ASAH2: variants seen among roughly 807,000 people sequenced by gnomAD.
ASAH2 encodes the protein N-acylsphingosine amidohydrolase 2.
A neutral mutation model predicts 82.9 loss-of-function variants in ASAH2; 58 were observed. The observed-to-expected ratio is 0.70, with a 90% CI of 0.57 to 0.87. ASAH2 has a LOEUF of 0.87. ASAH2 is among the 40% of genes least tolerant of loss of function. The pLI, the probability that ASAH2 is intolerant of heterozygous loss-of-function variation, is 0.00. For missense variants in ASAH2, 779 were observed against 834.0 expected, an observed-to-expected ratio of 0.93 and a Z score of 0.81; for synonymous variants, 276 against 289.7, an observed-to-expected ratio of 0.95 and a Z score of 0.48.
intron 14 of ASAH2, 23 bp downstream of exon 14, chr10:50,204,838 A>C (rs1282553157): frequency 6.6e-7 from 1 of 1,517,914 alleles, no homozygotes; most frequent in African/African-American, 1.4e-5. Context: ...ATTTTTAACT[A>C]AGTAATAAAA....
Position 50,218,595 on chromosome 10 carries a change from C to A in ASAH2, c.929G>T (p.Ser310Ile). 1 of 1,613,778 alleles carries A rather than the reference C, an allele frequency of 6.2e-7. No homozygotes were observed. Among genetic ancestry groups the A allele is most frequent in the Non-Finnish European group, 8.5e-7 (1 of 1,179,758 alleles). The part of the protein sequence containing the change: ...FAIHPVSMNN[S>I]NHLVNSDNVG... ...ATTGTCACTGTTTACAAGATGGTTA[C>A]TGTTGTTCATGCTGACCGGGTGGAT... is the stretch of plus-strand genomic sequence containing the variant. The change falls in exon 8 of 21, where the codon AGT becomes ATT. Residue 310 changes from serine (S) to isoleucine (I), a missense_variant. Ser to Ile is a moderately radical substitution (Grantham distance 142). This residue lies in a region of ASAH2 where 759 missense variants were observed against 755.2 expected (regional missense o/e 1.00). Transcript: ENST00000682911.
Position 50,211,145 on chromosome 10 carries a change from C to A in ASAH2, c.1228-11G>T. On this transcript the variant is annotated splice_polypyrimidine_tract_variant and intron_variant, in intron 10 of 20. Coordinates refer to ENST00000682911, the MANE Select transcript of ASAH2 (RefSeq NM_019893.4). Reference sequence around the variant, plus strand: ...AGAGGCATAGAGTTCCTAGAAAACACACAGGCTTATTATTCCAAGCAAAAA... The same window carrying A: ...AGAGGCATAGAGTTCCTAGAAAACAAACAGGCTTATTATTCCAAGCAAAAA... The A allele has an allele frequency of 6.3e-7, 1 of 1,594,964 alleles. No individual in the cohort carries two copies.
chr10:50,195,927 A>G (rs1462849780), intron 18 of ASAH2, among the ~76,000 whole-genome samples: 1 of 151,836 alleles, frequency 6.6e-6, no homozygotes, highest in Admixed American at 6.6e-5. Flanking sequence ...GGAGGTATTG[A>G]TCAAAGAATA....
intron 8 of ASAH2, among the ~76,000 whole-genome samples, chr10:50,216,378 G>A (rs532955872): frequency 5.3e-5 from 8 of 152,032 alleles, no homozygotes; most frequent in Non-Finnish European, 8.8e-5. Context: ...CATTACAGTC[G>A]GTATACATAT....
intron 10 of ASAH2, 108 bp from the exon 11 acceptor site, chr10:50,211,242 C>A: frequency 3.5e-6 from 3 of 864,806 alleles, no homozygotes; most frequent in Admixed American, 2.0e-5. Context: ...CATCTCTCAG[C>A]AAAGCTTTTG....
rs568332581 is a variant in ASAH2 at position 50,246,446 on chromosome 10, A to T, written c.128-992T>A. On this transcript the variant is annotated intron_variant, in intron 2 of 20. Coordinates refer to ENST00000682911, the MANE Select transcript of ASAH2 (RefSeq NM_019893.4). ...CATTTTGTTTATTTCCCTTCCTCAG[A>T]CAATAGTCAGGAGTTGCCAAGGCAT... Among the ~76,000 whole-genome samples, 3 of 152,280 alleles carry T rather than the reference A, an allele frequency of 2.0e-5. No homozygotes were observed. In the South Asian group the frequency reaches 6.2e-4, roughly 32 times the overall value.
At chr10:50,218,428 T>C (rs2133212771) in intron 8 of ASAH2, 82 bp downstream of exon 8, 5 of 1,589,914 alleles carry the variant, frequency 3.1e-6, no homozygotes, top group Non-Finnish European at 3.5e-6. Context: ...ATTCTGGAGA[T>C]TTGAATCACC....
At position 50,235,936 on chromosome 10, in the gene ASAH2, T is replaced by C. The variant is rs1846147860; in HGVS notation, c.639A>G (p.Glu213=). The C allele has an allele frequency of 3.1e-6, 5 of 1,613,326 alleles. No homozygotes were observed. The highest frequency in any genetic ancestry group is 3.3e-4 in the Middle Eastern group (2 of 6,074). ...FQYTVFVIAS[E]GFSNQTFQHM... ...GCTGAAAAGTTTGATTGCTAAATCC[T>C]TCACTGGCAATTACAAACACGGTAT... Residue 213 remains glutamate (E), a synonymous_variant, in exon 5 of 21, where the codon GAA becomes GAG. Transcript: ENST00000682911.
At chr10:50,209,412 C>A (rs1589329784) in intron 12 of ASAH2, among the ~76,000 whole-genome samples, 1 of 152,234 alleles carries the variant, frequency 6.6e-6, no homozygotes, top group Admixed American at 6.5e-5. Flanking sequence ...TGCAGTGGTG[C>A]AATCTTGTCT....
intron 4 of ASAH2, among the ~76,000 whole-genome samples, chr10:50,237,820 C>T (rs916127564): frequency 1.1e-3 from 169 of 152,256 alleles, no homozygotes; most frequent in Non-Finnish European, 1.4e-3. Context: ...CAGTATGTAA[C>T]ACAAAGGATA....
At chr10:50,193,944 C>A (rs1321711337) in intron 18 of ASAH2, among the ~76,000 whole-genome samples, 4 of 150,506 alleles carry the variant, frequency 2.7e-5, no homozygotes, top group Non-Finnish European at 4.4e-5. Context: ...AGATAAATTC[C>A]TAGAAAGACA....
intron 3 of ASAH2, among the ~76,000 whole-genome samples, chr10:50,243,800 G>A (rs1236644479): frequency 6.6e-6 from 1 of 152,198 alleles, no homozygotes; most frequent in Admixed American, 6.5e-5. Flanking sequence ...TTTAAAGGTT[G>A]AAGGCTTTCC....
intron 14 of ASAH2, among the ~76,000 whole-genome samples, chr10:50,204,557 A>T (rs1333276002): frequency 6.6e-6 from 1 of 152,038 alleles, no homozygotes; most frequent in Non-Finnish European, 1.5e-5. Context: ...TATTTCAAGT[A>T]CCTGTATTTT....
At chr10:50,204,061 G>C (rs1845229336) in intron 14 of ASAH2, among the ~76,000 whole-genome samples, 1 of 151,982 alleles carries the variant, frequency 6.6e-6, no homozygotes, top group South Asian at 2.1e-4. Flanking sequence ...AATCAGAGGT[G>C]AGTAAAGGGG....
chr10:50,226,895 G>A (rs1199400920), intron 7 of ASAH2, among the ~76,000 whole-genome samples: 2 of 151,968 alleles, frequency 1.3e-5, no homozygotes, highest in African/African-American at 4.8e-5. Context: ...GATAAAACAT[G>A]GAATAAGAGC....
At chr10:50,248,855 C>G (rs1846542080) in intron 1 of ASAH2, among the ~76,000 whole-genome samples, 1 of 152,220 alleles carries the variant, frequency 6.6e-6, no homozygotes, top group Admixed American at 6.5e-5. Flanking sequence ...CCAAATCTTT[C>G]TCAACACAAC....
chr10:50,207,138 AAACAC>A (rs1845321683), intron 12 of ASAH2, among the ~76,000 whole-genome samples: 2 of 151,936 alleles, frequency 1.3e-5, no homozygotes, highest in East Asian at 3.8e-4. Flanking sequence ...ATGAAAATGA[AAACAC>A]AACACATCAA....
intron 5 of ASAH2, among the ~76,000 whole-genome samples, 200 bp downstream of exon 5, chr10:50,235,688 C>T (rs1846141797): frequency 6.6e-6 from 1 of 152,012 alleles, no homozygotes; most frequent in Non-Finnish European, 1.5e-5. Flanking sequence ...CCTTCTTTTC[C>T]AATCATCCAT....
chr10:50,218,609 G>C lies in ASAH2; in HGVS notation c.915C>G (p.Val305=). 1 of 1,613,776 alleles carries C rather than the reference G, an allele frequency of 6.2e-7. No individual in the cohort carries two copies. The highest frequency in any genetic ancestry group is 8.5e-7 in the Non-Finnish European group (1 of 1,179,746). Reference sequence around the variant, plus strand: ...CAAGATGGTTACTGTTGTTCATGCTGACCGGGTGGATGGCAAACCAGCTGT... The same window carrying C: ...CAAGATGGTTACTGTTGTTCATGCTCACCGGGTGGATGGCAAACCAGCTGT... ...GLISWFAIHP[V]SMNNSNHLVN... Residue 305 remains valine, a synonymous_variant, in exon 8 of 21, where the codon GTC becomes GTG. Coordinates refer to ENST00000682911, the MANE Select transcript of ASAH2 (RefSeq NM_019893.4).
Sources: gnomAD v4.1 joint callset for allele counts (sites outside exome capture counted in the v4.1 genomes callset) on GRCh38, gnomAD v4.1.1 for gene constraint, gnomAD v4.1.1 regional missense constraint, MANE v1.5 for transcripts, NCBI Gene and HGNC (gene_info 2026-07-23, HGNC 2026-07-21) for gene names.